The following ZFYVE9 variants were observed in gnomAD, a reference collection of about 807,000 sequenced individuals.
The protein encoded by ZFYVE9 is zinc finger FYVE-type containing 9.
A neutral mutation model predicts 126.7 loss-of-function variants in ZFYVE9; 43 were observed. The ratio of observed to expected loss-of-function variants is 0.34; its 90% CI spans 0.27 to 0.44. The LOEUF is 0.44. Ranked by LOEUF, ZFYVE9 falls within the 20% of genes least tolerant of loss-of-function variation. The probability of loss-of-function intolerance (pLI) is 1.00; values close to 1 mark genes in which losing one functional copy is unlikely to be tolerated. For missense variants in ZFYVE9, 1,476 were observed against 1,697.0 expected, an observed-to-expected ratio of 0.87 and a Z score of 2.29; for synonymous variants, 521 against 597.4, an observed-to-expected ratio of 0.87 and a Z score of 1.87.
intron 12 of ZFYVE9, among the ~76,000 whole-genome samples, chr1:52,301,454 C>T (rs894112079): frequency 7.9e-5 from 12 of 151,842 alleles, no homozygotes; most frequent in Non-Finnish European, 7.4e-5. Context: ...AGGTACGTGC[C>T]GCTATGCCCA....
intron 1 of ZFYVE9, among the ~76,000 whole-genome samples, chr1:52,163,837 A>G: frequency 6.6e-6 from 1 of 152,164 alleles, no homozygotes. Flanking sequence ...GTTAAATACG[A>G]TAAGACCAAG....
chr1:52,248,167 G>A (rs1478271129), intron 4 of ZFYVE9, among the ~76,000 whole-genome samples: 1 of 152,152 alleles, frequency 6.6e-6, no homozygotes, highest in Non-Finnish European at 1.5e-5. Flanking sequence ...GCCCAAGTTT[G>A]AAAGCCTCAA....
chr1:52,200,389 C>T (rs963600954), intron 1 of ZFYVE9, among the ~76,000 whole-genome samples: 6 of 152,094 alleles, frequency 3.9e-5, no homozygotes, highest in African/African-American at 1.4e-4. Flanking sequence ...TCATGTTGCC[C>T]ATGCTGGTGT....
intron 4 of ZFYVE9, among the ~76,000 whole-genome samples, chr1:52,240,216 G>A (rs1410781853): frequency 6.6e-6 from 1 of 152,048 alleles, no homozygotes; most frequent in African/African-American, 2.4e-5. Context: ...CCCAAATTTT[G>A]TTAGCTAAAA....
At chr1:52,206,716 A>G (rs540973164) in intron 1 of ZFYVE9, among the ~76,000 whole-genome samples, 2 of 152,132 alleles carry the variant, frequency 1.3e-5, no homozygotes, top group South Asian at 4.2e-4. Flanking sequence ...CACCTGGCTA[A>G]TTTTTGTATT....
At chr1:52,299,861 G>A (rs564465158) in intron 12 of ZFYVE9, among the ~76,000 whole-genome samples, 8 of 152,242 alleles carry the variant, frequency 5.3e-5, no homozygotes, top group African/African-American at 1.9e-4. Flanking sequence ...GACTGGGAAT[G>A]AGGGCTGTAT....
At chr1:52,145,558 G>C (rs1644298816) in intron 1 of ZFYVE9, among the ~76,000 whole-genome samples, 1 of 152,118 alleles carries the variant, frequency 6.6e-6, no homozygotes, top group South Asian at 2.1e-4. Flanking sequence ...TTTAGATTCT[G>C]AGTTTCTTAT....
In ZFYVE9 at chr1:52,159,682, C is replaced by T. The variant is rs116452866; in HGVS notation, c.-143+17279C>T. On this transcript the variant is annotated intron_variant, in intron 1 of 18. Coordinates refer to ENST00000287727, the MANE Select transcript of ZFYVE9 (RefSeq NM_004799.4). Reference sequence around the variant, plus strand: ...AGGAGGCTGTCAGCTAACTGTGCACCTAGAAGCTTATTGGAAAGTTATTTC... The same window carrying T: ...AGGAGGCTGTCAGCTAACTGTGCACTTAGAAGCTTATTGGAAAGTTATTTC... 7.6e-3 allele frequency among the ~76,000 whole-genome samples: 1,156 copies of T among 152,226 alleles called. 15 individuals carry two copies. Among genetic ancestry groups the T allele is most frequent in the African/African-American group, 0.026 (1,093 of 41,516 alleles).
At chr1:52,244,271 G>A (rs1333710956) in intron 4 of ZFYVE9, among the ~76,000 whole-genome samples, 1 of 152,130 alleles carries the variant, frequency 6.6e-6, no homozygotes, top group African/African-American at 2.4e-5. Flanking sequence ...CCTTTTTGGA[G>A]GATGGGAAAT....
At chr1:52,176,497 G>C (rs1284617049) in intron 1 of ZFYVE9, among the ~76,000 whole-genome samples, 1 of 152,188 alleles carries the variant, frequency 6.6e-6, no homozygotes, top group Non-Finnish European at 1.5e-5. Flanking sequence ...CCTGTGTGCT[G>C]GGAGAACCAC....
chr1:52,344,934 A>G lies in ZFYVE9; in HGVS notation c.4106A>G (p.Asp1369Gly), dbSNP rs369860366. The change falls in exon 18 of 19, where the codon GAC becomes GGC. Residue 1369 changes from aspartate to glycine, a missense_variant. Physicochemically the swap from Asp to Gly is moderately conservative, Grantham distance 94. Transcript: ENST00000287727. ...AAACTGGGACTACGTGTGACACTTG[A>G]CTCAGATCAGGTATGATGTGTCTTC... ...MTKLGLRVTL[D>G]SDQVGYQAGS... The G allele has an allele frequency of 3.1e-6, 5 of 1,614,096 alleles. No homozygotes were observed. Among genetic ancestry groups the G allele is most frequent in the Non-Finnish European group, 3.4e-6 (4 of 1,180,022 alleles).
At chr1:52,306,967 A>G (rs1490169513) in intron 13 of ZFYVE9, among the ~76,000 whole-genome samples, 1 of 152,164 alleles carries the variant, frequency 6.6e-6, no homozygotes, top group African/African-American at 2.4e-5. Context: ...TGGTAGTGTA[A>G]GCCTAGCACA....
rs540225768 is a variant in ZFYVE9, at chr1:52,326,011, G to A, written c.3439-6757G>A. On this transcript the variant is annotated intron_variant, in intron 13 of 18. Coordinates refer to ENST00000287727, the MANE Select transcript of ZFYVE9 (RefSeq NM_004799.4). ...CGGGACTCCAAGGGTGGGAAACACCGGGAGGTAAAGCTCGTGCTGTTTCAC... is the reference window on the plus strand; with the variant it reads ...CGGGACTCCAAGGGTGGGAAACACCAGGAGGTAAAGCTCGTGCTGTTTCAC... Among the ~76,000 whole-genome samples the A allele has an allele frequency of 6.6e-5, 10 of 152,334 alleles. No individual in the cohort carries two copies. In the South Asian group the frequency reaches 1.7e-3, roughly 25 times the overall value.
intron 1 of ZFYVE9, among the ~76,000 whole-genome samples, chr1:52,145,154 T>C (rs1045341334): frequency 6.6e-6 from 1 of 152,234 alleles, no homozygotes; most frequent in African/African-American, 2.4e-5. Context: ...ATACTTTTTA[T>C]GTATGATTAT....
rs766146484 is a variant in ZFYVE9, at chr1:52,293,462, T to C, written c.3035T>C (p.Val1012Ala). The C allele has an allele frequency of 7.4e-6, 12 of 1,612,186 alleles. No individual in the cohort carries two copies. The African/African-American group carries it at 1.5e-4, about 20-fold the overall frequency. ...ACTTTTTTGTTTTTAGGGAATGTGG[T>C]GAGCAACTTGGGACATTCCTTCTTC... ...LYRDALAGNV[V>A]SNLGHSFFSQ... The change falls in exon 11 of 19, where the codon GTG becomes GCG. Residue 1012 changes from valine to alanine, a missense_variant. Physicochemically the swap from Val to Ala is moderately conservative, Grantham distance 64. This residue lies in a region of ZFYVE9 where 669 missense variants were observed against 902.4 expected (regional missense o/e 0.74). Transcript: ENST00000287727.
Position 52,238,459 on chromosome 1 carries a change from G to T in ZFYVE9, c.1042G>T (p.Gly348Trp), listed in dbSNP as rs745950766. 3 of 1,613,974 alleles carry T rather than the reference G, an allele frequency of 1.9e-6. No individual in the cohort carries two copies. The highest frequency in any genetic ancestry group is 1.3e-5 in the African/African-American group (1 of 74,920). ...GCTTCTCAAACCAGACATGCCTAAT[G>T]GGTCTGGAAGGAATAATGACTGTGA... Reference protein sequence around the residue: ...PLLLKPDMPNGSGRNNDCERC... With the variant: ...PLLLKPDMPNWSGRNNDCERC... The change falls in exon 4 of 19, where the codon GGG becomes TGG. Residue 348 changes from glycine to tryptophan, a missense_variant. Coordinates refer to ENST00000287727, the MANE Select transcript of ZFYVE9 (RefSeq NM_004799.4).
intron 1 of ZFYVE9, among the ~76,000 whole-genome samples, chr1:52,193,188 A>G (rs1355172914): frequency 2.0e-5 from 3 of 152,078 alleles, no homozygotes; most frequent in Non-Finnish European, 2.9e-5. Flanking sequence ...ACCTGGGACT[A>G]CCCAGCACAG....
chr1:52,281,937 G>A, intron 10 of ZFYVE9, 121 bp downstream of exon 10: 1 of 1,098,554 alleles, frequency 9.1e-7, no homozygotes, highest in Non-Finnish European at 1.3e-6. Context: ...TGATATTAGT[G>A]GCAAGTTGAA....
intron 1 of ZFYVE9, among the ~76,000 whole-genome samples, chr1:52,200,207 C>G (rs573916431): frequency 6.6e-6 from 1 of 151,890 alleles, no homozygotes; most frequent in African/African-American, 2.4e-5. Flanking sequence ...TAGACAGGCT[C>G]TCACTCTGTC....
Sources: gnomAD v4.1 joint callset for allele counts (sites outside exome capture counted in the v4.1 genomes callset) on GRCh38, gnomAD v4.1.1 for gene constraint, gnomAD v4.1.1 regional missense constraint, MANE v1.5 for transcripts, NCBI Gene and HGNC (gene_info 2026-07-23, HGNC 2026-07-21) for gene names.